CTXN2: variants seen among roughly 807,000 people sequenced by gnomAD.
The protein encoded by CTXN2 is cortexin 2, also known as cortexin-2.
A neutral mutation model predicts 5.7 loss-of-function variants in CTXN2; 3 were observed. The observed-to-expected ratio is 0.53, with a 90% CI of 0.24 to 1.36. CTXN2 has a LOEUF of 1.36. Among genes scored for constraint, CTXN2 ranks in the 40% most tolerant of loss-of-function variants. The pLI, the probability that CTXN2 is intolerant of heterozygous loss-of-function variation, is 0.17. For missense variants in CTXN2, 87 were observed against 93.0 expected (o/e 0.94, Z 0.26); for synonymous variants, 38 against 36.4 (o/e 1.04, Z -0.16).
upstream of CTXN2, chr15:48,189,962 C>A (rs912982790): frequency 6.6e-6 from 1 of 152,396 alleles, no homozygotes; most frequent in Non-Finnish European, 1.5e-5. Context: ...GCACCCACCA[C>A]CACACCCAGC....
At chr15:48,196,061 T>A (rs1174283322) in intron 1 of CTXN2, among the ~76,000 whole-genome samples, 2 of 152,126 alleles carry the variant, frequency 1.3e-5, no homozygotes, top group Non-Finnish European at 2.9e-5. Context: ...GCCTGACACA[T>A]TATAATAATG....
chr15:48,178,933 C>T (rs1378699938), intron 1 of CTXN2, among the ~76,000 whole-genome samples: 1 of 151,652 alleles, frequency 6.6e-6, no homozygotes, highest in Admixed American at 6.6e-5. Context: ...CTCTGGACAT[C>T]AATCAATATG....
Position 48,201,231 on chromosome 15 carries a change from A to G in CTXN2, c.-57-13A>G. On this transcript the variant is annotated splice_polypyrimidine_tract_variant and intron_variant, in intron 1 of 1. Coordinates refer to ENST00000417307, the MANE Select transcript of CTXN2 (RefSeq NM_001145668.2). ...CAAGGGTAAAACTAAACTGAGTCCA[A>G]TTTTGTACCTAGGCAAAGAGTTGAT... The G allele has an allele frequency of 6.6e-7, 1 of 1,516,600 alleles. No individual in the cohort carries two copies. The highest frequency in any genetic ancestry group is 8.9e-7 in the Non-Finnish European group (1 of 1,121,682). 93.9% of individuals were successfully genotyped at this position (1,516,600 alleles called of 1,614,324 possible). A position where few individuals can be genotyped will look rare whatever the true frequency, so the allele number is the denominator to read the frequency against.
upstream of CTXN2, among the ~76,000 whole-genome samples, chr15:48,189,717 A>G (rs181845869): frequency 2.0e-5 from 3 of 152,360 alleles, no homozygotes; most frequent in Admixed American, 2.0e-4. Context: ...TACATAGAAT[A>G]ATAGATGGAA....
At chr15:48,188,192 C>T (rs2040777479), upstream of CTXN2, among the ~76,000 whole-genome samples, 1 of 148,862 alleles carries the variant, frequency 6.7e-6, no homozygotes, top group Non-Finnish European at 1.5e-5. Flanking sequence ...TTATCATTAC[C>T]TAAGAAACCA....
Position 48,201,446 on chromosome 15 carries a change from T to C in CTXN2, c.146T>C (p.Phe49Ser). Reference sequence around the variant, plus strand: ...TTGGGACTTCTTATTATCCGATGCTTCAAAATCCTGCTAGACCCATATAGT... The same window carrying C: ...TTGGGACTTCTTATTATCCGATGCTCCAAAATCCTGCTAGACCCATATAGT... ...IFLGLLIIRC[F>S]KILLDPYSSM... Residue 49 changes from phenylalanine (F) to serine (S), a missense_variant, in exon 2 of 2, where the codon TTC becomes TCC. Transcript: ENST00000417307. 6.4e-7 allele frequency: 1 copy of C among 1,551,396 alleles called. No homozygotes were observed. Among genetic ancestry groups the C allele is most frequent in the Non-Finnish European group, 8.7e-7 (1 of 1,146,754 alleles).
At chr15:48,187,962 C>T (rs2040774641), upstream of CTXN2, among the ~76,000 whole-genome samples, 2 of 152,036 alleles carry the variant, frequency 1.3e-5, no homozygotes, top group African/African-American at 4.8e-5. Flanking sequence ...AATATTTCCT[C>T]ATTATAGTTT....
At chr15:48,178,600 G>A (rs957184351) in intron 1 of CTXN2, 1 of 234,882 alleles carries the variant, frequency 4.3e-6, no homozygotes, top group Non-Finnish European at 8.1e-6. Flanking sequence ...TGCAAAGCGG[G>A]ATTAGACATC....
upstream of CTXN2, chr15:48,188,947 A>G (rs2040786425): frequency 6.6e-6 from 1 of 152,210 alleles, no homozygotes; most frequent in Non-Finnish European, 1.5e-5. Flanking sequence ...TGTAGAACTT[A>G]CCATATTATT....
At chr15:48,199,162 CT>C (rs2040906002) in intron 1 of CTXN2, among the ~76,000 whole-genome samples, 5 of 152,264 alleles carry the variant, frequency 3.3e-5, no homozygotes, top group Non-Finnish European at 7.4e-5. Context: ...AGTTGACCCC[CT>C]TTGATACAAG....
intron 1 of CTXN2, among the ~76,000 whole-genome samples, chr15:48,199,921 A>G (rs1436286274): frequency 6.6e-6 from 1 of 152,218 alleles, no homozygotes; most frequent in Non-Finnish European, 1.5e-5. Flanking sequence ...TAATTATTGA[A>G]TATTTCTACC....
upstream of CTXN2, among the ~76,000 whole-genome samples, chr15:48,187,274 T>C (rs1300534518): frequency 1.3e-5 from 2 of 152,102 alleles, no homozygotes; most frequent in Non-Finnish European, 2.9e-5. Flanking sequence ...AGGTTGACTT[T>C]TGAATATAGC....
chr15:48,201,157 G>A (rs111999390), intron 1 of CTXN2, 87 bp from the exon 2 acceptor site: 1 of 756,224 alleles, frequency 1.3e-6, no homozygotes, highest in Non-Finnish European at 2.1e-6. Flanking sequence ...AGTCAAGAAG[G>A]TTTGAAAAAC....
At chr15:48,197,525 C>T (rs1416671317) in intron 1 of CTXN2, among the ~76,000 whole-genome samples, 1 of 152,002 alleles carries the variant, frequency 6.6e-6, no homozygotes, top group African/African-American at 2.4e-5. Flanking sequence ...ATCTAGTTCA[C>T]CACTGTACTC....
chr15:48,184,210 A>C (rs1358165551), intron 1 of CTXN2, among the ~76,000 whole-genome samples: 1 of 152,168 alleles, frequency 6.6e-6, no homozygotes, highest in Non-Finnish European at 1.5e-5. Context: ...ATTATCTCCT[A>C]TAGTTGCCTA....
rs1343113928 is a variant in CTXN2, at chr15:48,201,781, A to G, written c.*235A>G. ...ATAGAGCATAAGGATGGCTGCCGCC[A>G]TGTTTACCATCTTTATTCTTATCTT... On this transcript the variant is annotated 3_prime_UTR_variant, in exon 2 of 2. Transcript: ENST00000417307. 7.8e-6 allele frequency: 4 copies of G among 511,772 alleles called. No individual in the cohort carries two copies. In the Admixed American group the frequency reaches 1.0e-4, roughly 13 times the overall value. 31.7% of individuals were successfully genotyped at this position (511,772 alleles called of 1,614,324 possible). A position where few individuals can be genotyped will look rare whatever the true frequency, so the allele number is the denominator to read the frequency against.
Position 48,191,847 on chromosome 15 carries a change from A to G in CTXN2, c.-64A>G. The stretch of plus-strand genomic sequence containing the variant: ...GGACTTCATCTCCATGGCAACAAGC[A>G]TGGAAGGTGAGACATCGCTGTCTGC... On this transcript the variant is annotated 5_prime_UTR_variant, in exon 1 of 2. The change abolishes an upstream ATG in the 5' untranslated region. Transcript: ENST00000417307. The G allele has an allele frequency of 4.4e-6, 2 of 455,946 alleles. No individual in the cohort carries two copies. The highest frequency in any genetic ancestry group is 3.1e-5 in the South Asian group (2 of 64,530). 28.2% of individuals were successfully genotyped at this position (455,946 alleles called of 1,614,324 possible).
chr15:48,202,156 T>C lies in CTXN2; in HGVS notation c.*610T>C, dbSNP rs532401642. 1 of 168,270 alleles carries C rather than the reference T, an allele frequency of 5.9e-6. No homozygotes were observed. Among genetic ancestry groups the C allele is most frequent in the African/African-American group, 2.4e-5 (1 of 41,536 alleles). 10.4% of individuals were successfully genotyped at this position (168,270 alleles called of 1,614,324 possible). On this transcript the variant is annotated 3_prime_UTR_variant, in exon 2 of 2. Coordinates refer to ENST00000417307, the MANE Select transcript of CTXN2 (RefSeq NM_001145668.2). ...TCGAATCTCTTGCAGTAAAATCCCA[T>C]AGCTTGGAATCCAAACCAGATCTGC...
At chr15:48,181,639 G>A (rs2040702689) in intron 1 of CTXN2, among the ~76,000 whole-genome samples, 2 of 152,066 alleles carry the variant, frequency 1.3e-5, no homozygotes, top group Non-Finnish European at 2.9e-5. Context: ...AGACAAAAAT[G>A]GTGGCTAACA....
Sources: allele counts gnomAD v4.1 joint callset (sites outside exome capture counted in the v4.1 genomes callset), GRCh38; gene constraint gnomAD v4.1.1; transcripts MANE v1.5; gene names NCBI Gene and HGNC (gene_info 2026-07-23, HGNC 2026-07-21).